Variants in RNF157 observed in about 807,000 individuals in gnomAD.
RNF157 encodes the protein ring finger protein 157, also known as E3 ubiquitin ligase RNF157.
A neutral mutation model predicts 88.3 loss-of-function variants in RNF157; 55 were observed. The observed-to-expected ratio is 0.62, with a 90% CI of 0.50 to 0.78. The LOEUF (loss-of-function observed/expected upper bound fraction) is 0.78. Among genes scored for constraint, RNF157 ranks in the 30% least tolerant of loss-of-function variants. RNF157 has a pLI of 0.00. For synonymous variants in RNF157, 334 were observed against 341.2 expected (o/e 0.98, Z 0.23); for missense variants, 788 against 860.8 (o/e 0.92, Z 1.06).
Position 76,165,547 on chromosome 17 carries a change from TGAAA to T in RNF157, c.629-6_629-3del. The T allele has an allele frequency of 6.2e-7, 1 of 1,614,222 alleles. No individual in the cohort carries two copies. Among genetic ancestry groups the T allele is most frequent in the South Asian group, 1.1e-5 (1 of 91,086 alleles). Reference sequence around the variant, plus strand: ...GTACATGGCAATGGCCAAAATACTCTGAAAGAAACAAAGGCACGTGAGTGAAGAA... The same window carrying T: ...GTACATGGCAATGGCCAAAATACTCTGAAACAAAGGCACGTGAGTGAAGAA... On this transcript the variant is annotated splice_region_variant and splice_polypyrimidine_tract_variant and intron_variant, in intron 6 of 18. Coordinates refer to ENST00000269391, the MANE Select transcript of RNF157 (RefSeq NM_052916.3).
In RNF157 at chr17:76,152,393, G is replaced by A. The variant is rs768491970; in HGVS notation, c.1883C>T (p.Ala628Val). 2.5e-6 allele frequency: 4 copies of A among 1,613,440 alleles called. No individual in the cohort carries two copies. Among genetic ancestry groups the A allele is most frequent in the Non-Finnish European group, 3.4e-6 (4 of 1,179,380 alleles). ...CTCAGAGCACAGCTTATTGTCCAGT[G>A]CTTTCACGCTTGCGATGTCAAAGTC... ...NNDFDIASVKALDNKLCSEVC... is the reference protein window; with the variant it reads ...NNDFDIASVKVLDNKLCSEVC... Residue 628 changes from alanine to valine, a missense_variant, in exon 18 of 19, where the codon GCA (alanine) becomes GTA (valine). Coordinates refer to ENST00000269391, the MANE Select transcript of RNF157 (RefSeq NM_052916.3).
chr17:76,236,273 G>A (rs2070281229), intron 1 of RNF157, among the ~76,000 whole-genome samples: 1 of 152,108 alleles, frequency 6.6e-6, no homozygotes, highest in Admixed American at 6.6e-5. Context: ...AGATTTATGA[G>A]GTACTGCTTT....
Position 76,156,519 on chromosome 17 carries a change from G to A in RNF157, c.1414-198C>T, listed in dbSNP as rs943348086. The A allele has an allele frequency of 4.2e-6, 6 of 1,412,414 alleles. No individual in the cohort carries two copies. The East Asian group carries it at 1.3e-4, about 31-fold the overall frequency. The allele number at this position is 1,412,414 out of a possible 1,614,324, so 87.5% of individuals were successfully genotyped here. ...AGCCTGGAATGACTGCCTCCCAGGGGAGGCGCACACTTCAGTCAACACCTC... is the reference window on the plus strand; with the variant it reads ...AGCCTGGAATGACTGCCTCCCAGGGAAGGCGCACACTTCAGTCAACACCTC... On this transcript the variant is annotated intron_variant, in intron 13 of 18. Coordinates refer to ENST00000269391, the MANE Select transcript of RNF157 (RefSeq NM_052916.3).
chr17:76,160,002 T>G lies in RNF157; in HGVS notation c.1066-429A>C, dbSNP rs1453616137. Among the ~76,000 whole-genome samples, 3 of 152,214 alleles carry G rather than the reference T, an allele frequency of 2.0e-5. No individual in the cohort carries two copies. The highest frequency in any genetic ancestry group is 2.9e-5 in the Non-Finnish European group (2 of 68,040). ...TATTATACTTTCCTCTTTAAAAAAA[T>G]AGAGATGGGATCTCACTATGTTGCC... is the stretch of plus-strand genomic sequence containing the variant. On this transcript the variant is annotated intron_variant, in intron 11 of 18. Transcript: ENST00000269391. The surrounding 1 kb of genome is among the most constrained non-coding windows in gnomAD (Gnocchi z 4.3).
At chr17:76,185,369 G>A (rs1238493778) in intron 2 of RNF157, among the ~76,000 whole-genome samples, 1 of 152,142 alleles carries the variant, frequency 6.6e-6, no homozygotes, top group Non-Finnish European at 1.5e-5. Context: ...CTAATTTTAA[G>A]TTGAGTTAAA....
chr17:76,234,679 T>C (rs1458700789), intron 1 of RNF157, among the ~76,000 whole-genome samples: 1 of 152,258 alleles, frequency 6.6e-6, no homozygotes, highest in Non-Finnish European at 1.5e-5. Context: ...GAGAAATGTC[T>C]ATTCAAGTGC....
chr17:76,203,439 G>A (rs1476498833), intron 2 of RNF157, among the ~76,000 whole-genome samples: 1 of 150,266 alleles, frequency 6.7e-6, no homozygotes, highest in African/African-American at 2.5e-5. Flanking sequence ...TGCCATAGAA[G>A]GAAAAGTAAA....
chr17:76,239,544 C>T (rs899834810), intron 1 of RNF157, among the ~76,000 whole-genome samples: 91 of 148,808 alleles, frequency 6.1e-4, no homozygotes, highest in Non-Finnish European at 1.2e-3. Flanking sequence ...CCACCACCCC[C>T]CCCACCCCCC....
chr17:76,145,917 TCTC>T (rs2068578620), intron 18 of RNF157, among the ~76,000 whole-genome samples: 2 of 152,016 alleles, frequency 1.3e-5, no homozygotes, highest in South Asian at 4.1e-4. Flanking sequence ...GCCGTTTTCC[TCTC>T]CTCCTGCACC....
chr17:76,152,968 A>C (rs1176144313), intron 17 of RNF157, among the ~76,000 whole-genome samples: 1 of 152,234 alleles, frequency 6.6e-6, no homozygotes, highest in South Asian at 2.1e-4. Context: ...AATCAGAATG[A>C]CTACATTCAC....
chr17:76,221,336 A>C (rs1342542534), intron 1 of RNF157, among the ~76,000 whole-genome samples: 1 of 152,202 alleles, frequency 6.6e-6, no homozygotes, highest in Non-Finnish European at 1.5e-5. Context: ...CAAATTTTAA[A>C]GCTTTAAAAA....
In RNF157 at chr17:76,161,991, G is replaced by C; in HGVS notation, c.804C>G (p.Asp268Glu). The C allele has an allele frequency of 1.2e-6, 2 of 1,613,430 alleles. No homozygotes were observed. The highest frequency in any genetic ancestry group is 1.7e-6 in the Non-Finnish European group (2 of 1,179,472). ...ACTCGGCACTGTTATCACTCACTTC[G>C]TCTTCAGCCACCTGGCCAAGGAGAA... is the stretch of plus-strand genomic sequence containing the variant. ...YNTQDSKVAE[D>E]EVSDNSAECV... The change falls in exon 10 of 19, where the codon GAC (aspartate) becomes GAG (glutamate). Residue 268 changes from aspartate to glutamate, a missense_variant. By Grantham distance (45) the Asp-to-Glu change is conservative. Transcript: ENST00000269391. This position sits in a 1 kb window ranked among gnomAD's most constrained non-coding sequence, Gnocchi z 4.6.
intron 2 of RNF157, among the ~76,000 whole-genome samples, chr17:76,210,682 C>G (rs971835591): frequency 6.6e-6 from 1 of 151,154 alleles, no homozygotes; most frequent in African/African-American, 2.4e-5. Flanking sequence ...GGAAGACCAT[C>G]ATCAGATCAA....
At chr17:76,150,632 A>C (rs2144796785) in intron 18 of RNF157, among the ~76,000 whole-genome samples, 1 of 152,252 alleles carries the variant, frequency 6.6e-6, no homozygotes, top group Middle Eastern at 3.4e-3. Context: ...AAGAGACATC[A>C]TCTTCACCCA....
At chr17:76,152,783 C>G (rs1200882322) in intron 17 of RNF157, among the ~76,000 whole-genome samples, 1 of 152,192 alleles carries the variant, frequency 6.6e-6, no homozygotes, top group East Asian at 1.9e-4. Flanking sequence ...AGAGGCCAGG[C>G]TGGTGAGGCT....
Position 76,145,161 on chromosome 17 carries a change from C to G in RNF157, c.*74G>C. 1.0e-6 allele frequency: 1 copy of G among 977,164 alleles called. No homozygotes were observed. Among genetic ancestry groups the G allele is most frequent in the Non-Finnish European group, 1.6e-6 (1 of 632,888 alleles). The allele number at this position is 977,164 out of a possible 1,614,324, so 60.5% of individuals were successfully genotyped here. A position where few individuals can be genotyped will look rare whatever the true frequency, so the allele number is the denominator to read the frequency against. On this transcript the variant is annotated 3_prime_UTR_variant, in exon 19 of 19. Coordinates refer to ENST00000269391, the MANE Select transcript of RNF157 (RefSeq NM_052916.3). ...AGTCTCCAGCATCTTGCTGAGGATG[C>G]CCAGTAGGCAGCAGCTGAGTGAGGA...
chr17:76,198,669 G>A lies in RNF157; in HGVS notation c.207+13695C>T, dbSNP rs532056558. Among the ~76,000 whole-genome samples, 31 of 152,266 alleles carry A rather than the reference G, an allele frequency of 2.0e-4. No homozygotes were observed. The South Asian group carries it at 2.1e-3, about 10-fold the overall frequency. ...TTGGACAACTGGTTACCCTGTATCC[G>A]TTCTCATGACTCTCTAATCTACCTT... On this transcript the variant is annotated intron_variant, in intron 2 of 18. Transcript: ENST00000269391.
At chr17:76,208,435 C>T (rs2069719892) in intron 2 of RNF157, among the ~76,000 whole-genome samples, 1 of 152,208 alleles carries the variant, frequency 6.6e-6, no homozygotes, top group Non-Finnish European at 1.5e-5. Flanking sequence ...ACATGTTCTT[C>T]ACCTGTTGAA....
intron 1 of RNF157, among the ~76,000 whole-genome samples, chr17:76,216,342 T>TA (rs905640278): frequency 9.2e-5 from 14 of 152,114 alleles, no homozygotes; most frequent in African/African-American, 3.4e-4. Flanking sequence ...GCTAAAGAGT[T>TA]AAAGCAGGCA....
Sources: allele counts gnomAD v4.1 joint callset (sites outside exome capture counted in the v4.1 genomes callset), GRCh38; gene constraint gnomAD v4.1.1; non-coding constraint Gnocchi (gnomAD v3.1); transcripts MANE v1.5; gene names NCBI Gene and HGNC (gene_info 2026-07-23, HGNC 2026-07-21).